The following ADK variants were observed in gnomAD, a reference collection of about 807,000 sequenced individuals.
ADK encodes the protein adenosine kinase.
Under a neutral mutation model 44.7 loss-of-function variants are expected in ADK, and 24 were observed. The ratio of observed to expected loss-of-function variants is 0.54; its 90% CI spans 0.39 to 0.76. ADK has a LOEUF of 0.76. Ranked by LOEUF, ADK falls within the 30% of genes least tolerant of loss-of-function variation. The pLI is 0.00. For missense variants in ADK, 321 were observed against 425.1 expected (o/e 0.76, Z 2.15); for synonymous variants, 128 against 142.6 (o/e 0.90, Z 0.73).
At position 74,448,785 on chromosome 10, in the gene ADK, A is replaced by G. The variant is rs555222518; in HGVS notation, c.555+50206A>G. On this transcript the variant is annotated intron_variant, in intron 6 of 10. Coordinates refer to ENST00000539909, the MANE Select transcript of ADK (RefSeq NM_006721.4). The stretch of plus-strand genomic sequence containing the variant: ...CAGTTCTCGCTTATATACAAGATGT[A>G]TACTTGTGTATACATGTTATTTACA... 2.6e-5 allele frequency among the ~76,000 whole-genome samples: 4 copies of G among 152,270 alleles called. 1 individual carries two copies. Among genetic ancestry groups the G allele is most frequent in the South Asian group, 4.1e-4 (2 of 4,826 alleles).
At chr10:74,649,145 G>A (rs188039046) in intron 9 of ADK, among the ~76,000 whole-genome samples, 22 of 152,182 alleles carry the variant, frequency 1.4e-4, no homozygotes, top group Admixed American at 5.2e-4. Flanking sequence ...CCTGGGAGGC[G>A]GAGTTTGCAG....
chr10:74,385,776 C>G (rs1843119224), intron 4 of ADK, among the ~76,000 whole-genome samples: 1 of 152,124 alleles, frequency 6.6e-6, no homozygotes, highest in Non-Finnish European at 1.5e-5. Flanking sequence ...GCTTGTTTAC[C>G]ATCACATGGC....
At chr10:74,308,833 C>T (rs187437766) in intron 3 of ADK, among the ~76,000 whole-genome samples, 3 of 152,176 alleles carry the variant, frequency 2.0e-5, no homozygotes, top group East Asian at 1.9e-4. Context: ...ATATGCTGAG[C>T]GCACACACAC....
chr10:74,213,542 A>T (rs1043904934), intron 2 of ADK, among the ~76,000 whole-genome samples: 14 of 152,194 alleles, frequency 9.2e-5, no homozygotes, highest in Non-Finnish European at 2.1e-4. Context: ...AAGAAAGAGT[A>T]AAAAGTAAAA....
At chr10:74,298,605 AAG>A (rs367920815) in intron 3 of ADK, among the ~76,000 whole-genome samples, 7 of 152,092 alleles carry the variant, frequency 4.6e-5, no homozygotes, top group African/African-American at 1.4e-4. Context: ...TAAAAATAAA[AAG>A]AGTATTGAGG....
At chr10:74,548,078 C>T (rs1209190958) in intron 7 of ADK, among the ~76,000 whole-genome samples, 1 of 152,228 alleles carries the variant, frequency 6.6e-6, no homozygotes, top group Non-Finnish European at 1.5e-5. Flanking sequence ...AGGCGTGAGT[C>T]ACCACACCTG....
At chr10:74,483,136 G>T (rs1234260650) in intron 6 of ADK, among the ~76,000 whole-genome samples, 1 of 152,178 alleles carries the variant, frequency 6.6e-6, no homozygotes, top group Non-Finnish European at 1.5e-5. Flanking sequence ...CTTCTGCCTG[G>T]ACATCAGGTG....
chr10:74,545,762 G>C (rs1849800148), intron 7 of ADK, among the ~76,000 whole-genome samples: 1 of 152,056 alleles, frequency 6.6e-6, no homozygotes, highest in South Asian at 2.1e-4. Context: ...CATTCTGAGA[G>C]GCAATATATG....
chr10:74,668,130 ATT>A (rs1264411636), intron 9 of ADK, among the ~76,000 whole-genome samples: 7 of 152,102 alleles, frequency 4.6e-5, no homozygotes, highest in African/African-American at 1.7e-4. Flanking sequence ...CATTTTACTT[ATT>A]TAGTACCTGT....
chr10:74,246,308 CTG>C (rs556675373), intron 3 of ADK, among the ~76,000 whole-genome samples: 24 of 152,226 alleles, frequency 1.6e-4, no homozygotes, highest in Non-Finnish European at 3.2e-4. Context: ...TCTAGCAGTT[CTG>C]TCAAAAGACA....
chr10:74,528,337 G>C (rs1564774840), intron 7 of ADK: 1 of 183,598 alleles, frequency 5.4e-6, no homozygotes, highest in Admixed American at 6.1e-5. Flanking sequence ...CATGTAAAAA[G>C]AAGGTGGAAA....
At position 74,638,990 on chromosome 10, in the gene ADK, G is replaced by A. The variant is rs147206936; in HGVS notation, c.878-31193G>A. On this transcript the variant is annotated intron_variant, in intron 9 of 10. Coordinates refer to ENST00000539909, the MANE Select transcript of ADK (RefSeq NM_006721.4). ...ACCTGGCCAATTTTTAAATTTTTTT[G>A]TAGAGACAGGGTTTCATCATATTGC... 7.0e-3 allele frequency among the ~76,000 whole-genome samples: 1,063 copies of A among 152,078 alleles called. 7 individuals are homozygous for A. Among genetic ancestry groups the A allele is most frequent in the African/African-American group, 0.025 (1,027 of 41,474 alleles).
intron 7 of ADK, among the ~76,000 whole-genome samples, chr10:74,572,750 A>G (rs1006105205): frequency 6.6e-6 from 1 of 151,844 alleles, no homozygotes; most frequent in South Asian, 2.1e-4. Flanking sequence ...CATTTCATTC[A>G]TTTCATCTTC....
intron 1 of ADK, 99 bp downstream of exon 1, chr10:74,151,442 C>G: frequency 7.5e-7 from 1 of 1,338,470 alleles, no homozygotes; most frequent in Non-Finnish European, 1.0e-6. Flanking sequence ...GTGTCTCTCA[C>G]TGCCAGCTTG....
intron 10 of ADK, among the ~76,000 whole-genome samples, chr10:74,692,808 T>G (rs1856041291): frequency 6.6e-6 from 1 of 152,220 alleles, no homozygotes; most frequent in South Asian, 2.1e-4. Flanking sequence ...CTGGGAACAA[T>G]AGGCTATACC....
chr10:74,700,518 C>T (rs1263453076), intron 10 of ADK, among the ~76,000 whole-genome samples: 1 of 152,014 alleles, frequency 6.6e-6, no homozygotes, highest in Non-Finnish European at 1.5e-5. Context: ...GCTGGGATTA[C>T]AGGCGTGAGC....
intron 7 of ADK, among the ~76,000 whole-genome samples, chr10:74,556,254 CACATGGTTCCTGTGCTAGTTCTAAAATAG>C (rs1281060604): frequency 2.0e-5 from 3 of 152,182 alleles, no homozygotes; most frequent in Non-Finnish European, 2.9e-5. Flanking sequence ...ATGAACACAT[CACATGGTTCCTGTGCTAGTTCTAAAATAG>C]AGAACAGCAA....
chr10:74,308,829 T>C (rs1840340271), intron 3 of ADK, among the ~76,000 whole-genome samples: 1 of 152,158 alleles, frequency 6.6e-6, no homozygotes, highest in South Asian at 2.1e-4. Flanking sequence ...GATAATATGC[T>C]GAGCGCACAC....
chr10:74,387,440 A>G (rs1245014781), intron 4 of ADK, among the ~76,000 whole-genome samples: 1 of 152,238 alleles, frequency 6.6e-6, no homozygotes, highest in Non-Finnish European at 1.5e-5. Flanking sequence ...CTTTTGGCTG[A>G]AACGAATTAT....
Sources: gnomAD v4.1 joint callset for allele counts (sites outside exome capture counted in the v4.1 genomes callset) on GRCh38, gnomAD v4.1.1 for gene constraint, MANE v1.5 for transcripts, NCBI Gene and HGNC (gene_info 2026-07-23, HGNC 2026-07-21) for gene names.